The following GNA14 variants were observed in gnomAD, a reference collection of about 807,000 sequenced individuals.
GNA14 encodes guanine nucleotide-binding protein subunit alpha-14.
GNA14 carries 50 observed loss-of-function variants against 42.0 expected under a neutral mutation model. The ratio of observed to expected loss-of-function variants is 1.19; its 90% CI spans 0.95 to 1.51. The LOEUF (loss-of-function observed/expected upper bound fraction) is 1.51. GNA14 is among the 40% of genes most tolerant of loss of function. The pLI, the probability that GNA14 is intolerant of heterozygous loss-of-function variation, is 0.00. For missense variants in GNA14, 473 were observed against 446.2 expected (o/e 1.06, Z -0.54); for synonymous variants, 173 against 163.1 (o/e 1.06, Z -0.46).
At chr9:77,477,440 A>G (rs1272384873) in intron 2 of GNA14, among the ~76,000 whole-genome samples, 4 of 152,242 alleles carry the variant, frequency 2.6e-5, no homozygotes, top group Non-Finnish European at 5.9e-5. Flanking sequence ...TCCCCTGCTG[A>G]GAATATGGCA....
intron 2 of GNA14, among the ~76,000 whole-genome samples, chr9:77,453,441 C>T (rs560171027): frequency 1.2e-3 from 186 of 152,260 alleles, no homozygotes; most frequent in Non-Finnish European, 1.7e-3. Flanking sequence ...AATGGTGGTT[C>T]GCACATCAAT....
chr9:77,590,164 C>A (rs919739626), intron 1 of GNA14, among the ~76,000 whole-genome samples: 1 of 152,182 alleles, frequency 6.6e-6, no homozygotes, highest in South Asian at 2.1e-4. Flanking sequence ...TGATCCACCC[C>A]CCTCGGCCTC....
Position 77,481,767 on chromosome 9 carries a change from C to T in GNA14, c.310-47245G>A, listed in dbSNP as rs532420258. 3.3e-3 allele frequency among the ~76,000 whole-genome samples: 509 copies of T among 152,238 alleles called. 2 individuals are homozygous for T. The highest frequency in any genetic ancestry group is 0.012 in the African/African-American group (487 of 41,534). On this transcript the variant is annotated intron_variant, in intron 2 of 6. Transcript: ENST00000341700. ...GTGCATATATATTTAGGATAGTTAG[C>T]TCTTCTTGTTGAATTGATCCCTTTA...
At chr9:77,482,729 T>C (rs561504101) in intron 2 of GNA14, among the ~76,000 whole-genome samples, 203 of 152,318 alleles carry the variant, frequency 1.3e-3, no homozygotes, top group African/African-American at 4.8e-3. Flanking sequence ...CATAGTCCCA[T>C]ATTTCTTGGA....
At chr9:77,480,207 T>G (rs1745528711) in intron 2 of GNA14, among the ~76,000 whole-genome samples, 1 of 152,194 alleles carries the variant, frequency 6.6e-6, no homozygotes, top group East Asian at 1.9e-4. Context: ...TAGCTCTTAT[T>G]ATTTTGAGAT....
intron 1 of GNA14, among the ~76,000 whole-genome samples, chr9:77,616,924 T>C (rs1483988963): frequency 2.6e-3 from 390 of 147,626 alleles, no homozygotes; most frequent in Non-Finnish European, 4.2e-3. Flanking sequence ...GGCTGGAGTG[T>C]GGTGGCACGA....
chr9:77,474,019 T>G (rs1245075227), intron 2 of GNA14, among the ~76,000 whole-genome samples: 1 of 152,178 alleles, frequency 6.6e-6, no homozygotes, highest in Non-Finnish European at 1.5e-5. Flanking sequence ...AAATAGATCA[T>G]TTATCTAAAC....
chr9:77,498,392 A>AG (rs1836910244), intron 2 of GNA14, among the ~76,000 whole-genome samples: 1 of 144,780 alleles, frequency 6.9e-6, no homozygotes, highest in African/African-American at 2.6e-5. Context: ...AAAAAAAGAA[A>AG]AAAAAGAAAA....
chr9:77,533,833 C>G (rs992887079), intron 1 of GNA14, among the ~76,000 whole-genome samples: 3 of 152,176 alleles, frequency 2.0e-5, no homozygotes, highest in African/African-American at 4.8e-5. Context: ...CAGATAATTT[C>G]TTTTCTATAA....
intron 1 of GNA14, among the ~76,000 whole-genome samples, chr9:77,626,216 T>C (rs142005698): frequency 2.9e-3 from 446 of 152,244 alleles, no homozygotes; most frequent in African/African-American, 0.01. Context: ...ATGCACCCAA[T>C]AGAGGAGCAC....
At chr9:77,644,429 AAG>A in intron 1 of GNA14, among the ~76,000 whole-genome samples, 1 of 141,882 alleles carries the variant, frequency 7.0e-6, no homozygotes, top group African/African-American at 2.7e-5. Context: ...CTCCAACCTA[AAG>A]AGTGTCAAAA....
At chr9:77,573,473 A>T (rs1271546398) in intron 1 of GNA14, among the ~76,000 whole-genome samples, 1 of 151,964 alleles carries the variant, frequency 6.6e-6, no homozygotes, top group African/African-American at 2.4e-5. Flanking sequence ...ATAAAAATTT[A>T]AAAATAATAA....
At chr9:77,551,735 C>T (rs1837789258) in intron 1 of GNA14, among the ~76,000 whole-genome samples, 1 of 151,808 alleles carries the variant, frequency 6.6e-6, no homozygotes, top group African/African-American at 2.4e-5. Flanking sequence ...GAGTTAGGGC[C>T]ATGTTCTTTG....
chr9:77,519,077 A>G (rs763255697), intron 2 of GNA14, among the ~76,000 whole-genome samples: 2 of 152,208 alleles, frequency 1.3e-5, no homozygotes, highest in Non-Finnish European at 2.9e-5. Context: ...TTAGCTTCTA[A>G]TGAATATGCT....
intron 1 of GNA14, among the ~76,000 whole-genome samples, chr9:77,624,161 C>G (rs12349431): frequency 0.27 from 41,758 of 152,038 alleles, 6,694 homozygotes; most frequent in African/African-American, 0.44. Context: ...AGGGAAGTTC[C>G]AACAGAGCAG....
At chr9:77,538,111 C>A (rs1228574414) in intron 1 of GNA14, among the ~76,000 whole-genome samples, 1 of 148,014 alleles carries the variant, frequency 6.8e-6, no homozygotes, top group Non-Finnish European at 1.5e-5. Context: ...CATTCTGTTG[C>A]CCAGCCCAGA....
intron 1 of GNA14, among the ~76,000 whole-genome samples, chr9:77,600,062 TATTG>T (rs1329074129): frequency 6.6e-6 from 1 of 151,126 alleles, no homozygotes; most frequent in African/African-American, 2.4e-5. Context: ...GTACACCATA[TATTG>T]ATTTTTGTTT....
At chr9:77,484,542 A>G (rs952021156) in intron 2 of GNA14, among the ~76,000 whole-genome samples, 2 of 152,186 alleles carry the variant, frequency 1.3e-5, no homozygotes, top group Non-Finnish European at 2.9e-5. Context: ...TTTCCATTAG[A>G]AAGTAAGAGT....
chr9:77,458,296 G>A (rs1221622755), intron 2 of GNA14, among the ~76,000 whole-genome samples: 1 of 36,944 alleles, frequency 2.7e-5, no homozygotes, highest in Non-Finnish European at 5.7e-5. Context: ...CAGCTTTGAG[G>A]GGGGAAAAGA....
Sources: gnomAD v4.1 joint callset for allele counts (sites outside exome capture counted in the v4.1 genomes callset) on GRCh38, gnomAD v4.1.1 for gene constraint, MANE v1.5 for transcripts, NCBI Gene and HGNC (gene_info 2026-07-23, HGNC 2026-07-21) for gene names.